The following ATP8A2 variants were observed in gnomAD, a reference collection of about 807,000 sequenced individuals.
The protein encoded by ATP8A2 is phospholipid-transporting ATPase IB.
Under a neutral mutation model 165.6 loss-of-function variants are expected in ATP8A2, and 100 were observed. That is an observed-to-expected ratio of 0.60 (90% CI 0.51 to 0.71). The LOEUF (loss-of-function observed/expected upper bound fraction) is 0.71, where lower values mean the gene tolerates loss of function less well. Among genes scored for constraint, ATP8A2 ranks in the 30% least tolerant of loss-of-function variants. The pLI is 0.00. For synonymous variants in ATP8A2, 543 were observed against 548.8 expected (o/e 0.99, Z 0.15); for missense variants, 1,227 against 1,479.5 (o/e 0.83, Z 2.80).
At chr13:25,740,253 G>A (rs1342575803) in intron 25 of ATP8A2, among the ~76,000 whole-genome samples, 1 of 147,926 alleles carries the variant, frequency 6.8e-6, no homozygotes, top group Non-Finnish European at 1.5e-5. Flanking sequence ...AGCTTGCAGT[G>A]AGCTGAGATC....
intron 2 of ATP8A2, among the ~76,000 whole-genome samples, chr13:25,512,876 C>G: frequency 7.0e-6 from 1 of 143,330 alleles, no homozygotes; most frequent in East Asian, 2.1e-4. Context: ...AGGCGCCCCT[C>G]ACCTCCCGGA....
intron 24 of ATP8A2, among the ~76,000 whole-genome samples, chr13:25,618,659 T>TC (rs1183933894): frequency 6.7e-6 from 1 of 150,280 alleles, no homozygotes; most frequent in Non-Finnish European, 1.5e-5. Flanking sequence ...ATTATGTCCC[T>TC]CCATTAAAGT....
At chr13:25,696,291 A>G (rs920409790) in intron 24 of ATP8A2, among the ~76,000 whole-genome samples, 8 of 151,878 alleles carry the variant, frequency 5.3e-5, no homozygotes, top group Non-Finnish European at 1.2e-4. Flanking sequence ...ATAAATTTTC[A>G]GAACGGTAAA....
Position 25,887,936 on chromosome 13 carries a change from A to G in ATP8A2, c.3183+25528A>G, listed in dbSNP as rs112124290. ...AATGCTTCTGTGGGCTGCTTATCCA[A>G]TGAATAATCTAGAAATTCATTTCAA... On this transcript the variant is annotated intron_variant, in intron 33 of 36. Transcript: ENST00000381655. Among the ~76,000 whole-genome samples, 332 of 152,282 alleles carry G rather than the reference A, an allele frequency of 2.2e-3. 1 individual carries two copies. The highest frequency in any genetic ancestry group is 3.4e-3 in the Non-Finnish European group (229 of 68,028).
chr13:25,495,374 C>T (rs1168259540), intron 2 of ATP8A2, among the ~76,000 whole-genome samples: 1 of 152,038 alleles, frequency 6.6e-6, no homozygotes, highest in Non-Finnish European at 1.5e-5. Flanking sequence ...CTTGTGTGGG[C>T]GAGAGCTGGA....
intron 25 of ATP8A2, among the ~76,000 whole-genome samples, chr13:25,700,909 C>T (rs773940389): frequency 2.0e-5 from 3 of 152,174 alleles, no homozygotes; most frequent in Non-Finnish European, 2.9e-5. Context: ...GAAGTGGTAT[C>T]GCATTGTCCT....
At chr13:25,963,391 C>T (rs1165623387) in intron 34 of ATP8A2, among the ~76,000 whole-genome samples, 2 of 84,934 alleles carry the variant, frequency 2.4e-5, no homozygotes, top group Non-Finnish European at 4.7e-5. Context: ...GAGACTCCGT[C>T]TCAAAAAAAA....
At chr13:25,681,327 T>C (rs1224156553) in intron 24 of ATP8A2, among the ~76,000 whole-genome samples, 2 of 152,224 alleles carry the variant, frequency 1.3e-5, no homozygotes, top group South Asian at 2.1e-4. Flanking sequence ...TGGAAAGTGA[T>C]TTTGGGATTA....
intron 2 of ATP8A2, among the ~76,000 whole-genome samples, chr13:25,471,673 A>G (rs2035850640): frequency 6.6e-6 from 1 of 152,174 alleles, no homozygotes; most frequent in Non-Finnish European, 1.5e-5. Flanking sequence ...AGCACTGATA[A>G]TGGAGCTTCA....
intron 16 of ATP8A2, 147 bp from the exon 17 acceptor site, chr13:25,570,620 G>C: frequency 1.8e-6 from 1 of 565,028 alleles, no homozygotes; most frequent in East Asian, 2.9e-5. Flanking sequence ...GCGGTAGGAG[G>C]GGGATCTGAG....
chr13:25,715,388 C>T (rs1291111155), intron 25 of ATP8A2, among the ~76,000 whole-genome samples: 1 of 152,154 alleles, frequency 6.6e-6, no homozygotes, highest in African/African-American at 2.4e-5. Flanking sequence ...GTATACAATT[C>T]AATCAAATTA....
intron 3 of ATP8A2, among the ~76,000 whole-genome samples, chr13:25,530,312 G>A (rs1012503151): frequency 1.3e-5 from 2 of 152,192 alleles, no homozygotes; most frequent in African/African-American, 4.8e-5. Context: ...ACTGAAAGAG[G>A]CATTGAAAAG....
At chr13:25,809,660 TCTC>T (rs1950818239) in intron 27 of ATP8A2, among the ~76,000 whole-genome samples, 1 of 152,110 alleles carries the variant, frequency 6.6e-6, no homozygotes, top group South Asian at 2.1e-4. Flanking sequence ...TTGGTGGGTC[TCTC>T]CTCTAGCTCA....
chr13:25,432,838 G>A (rs547990242), intron 1 of ATP8A2, among the ~76,000 whole-genome samples: 1 of 152,272 alleles, frequency 6.6e-6, no homozygotes, highest in African/African-American at 2.4e-5. Context: ...TTTATTCAAT[G>A]TATGTGTTTT....
At chr13:25,509,689 T>C (rs1437865646) in intron 2 of ATP8A2, among the ~76,000 whole-genome samples, 1 of 152,210 alleles carries the variant, frequency 6.6e-6, no homozygotes, top group African/African-American at 2.4e-5. Flanking sequence ...TGTATACAAA[T>C]TGCATCCAGT....
intron 2 of ATP8A2, among the ~76,000 whole-genome samples, chr13:25,473,496 G>C (rs2035904712): frequency 6.6e-6 from 1 of 152,060 alleles, no homozygotes; most frequent in Non-Finnish European, 1.5e-5. Context: ...CCTTTTCCTG[G>C]AGTGTACAAT....
intron 35 of ATP8A2, among the ~76,000 whole-genome samples, chr13:25,993,576 A>G (rs919241982): frequency 2.6e-5 from 4 of 152,194 alleles, no homozygotes; most frequent in African/African-American, 9.7e-5. Flanking sequence ...GTGCATATAT[A>G]GTTGTTCCAG....
chr13:25,761,332 TAC>T (rs1566112756), intron 25 of ATP8A2, among the ~76,000 whole-genome samples: 3 of 152,208 alleles, frequency 2.0e-5, no homozygotes, highest in African/African-American at 7.2e-5. Context: ...TAATGAGATA[TAC>T]GTTTGTCATA....
intron 27 of ATP8A2, among the ~76,000 whole-genome samples, chr13:25,810,242 C>T (rs554618955): frequency 6.6e-6 from 1 of 152,296 alleles, no homozygotes; most frequent in South Asian, 2.1e-4. Context: ...CTAATTTGTA[C>T]AGAAGTCTGT....
Sources: gnomAD v4.1 joint callset for allele counts (sites outside exome capture counted in the v4.1 genomes callset) on GRCh38, gnomAD v4.1.1 for gene constraint, MANE v1.5 for transcripts, NCBI Gene and HGNC (gene_info 2026-07-23, HGNC 2026-07-21) for gene names.